ACLY: variants seen among roughly 807,000 people sequenced by gnomAD.
The protein encoded by ACLY is ATP-citrate synthase.
A neutral mutation model predicts 133.0 loss-of-function variants in ACLY; 41 were observed. The observed-to-expected ratio is 0.31, with a 90% CI of 0.24 to 0.40. The LOEUF (loss-of-function observed/expected upper bound fraction) is 0.40. ACLY is among the 10% of genes least tolerant of loss of function. The pLI is 1.00. For missense variants in ACLY, 1,046 were observed against 1,453.8 expected, an observed-to-expected ratio of 0.72 and a Z score of 4.56; for synonymous variants, 495 against 549.3, an observed-to-expected ratio of 0.90 and a Z score of 1.38.
intron 14 of ACLY, among the ~76,000 whole-genome samples, chr17:41,896,367 C>A (rs1024782666): frequency 5.9e-5 from 9 of 152,152 alleles, no homozygotes; most frequent in Non-Finnish European, 1.3e-4. Context: ...AAATCTCTAC[C>A]CCTTCCCAAG....
At chr17:41,905,325 G>A (rs1239633476) in intron 9 of ACLY, among the ~76,000 whole-genome samples, 197 bp downstream of exon 9, 4 of 152,184 alleles carry the variant, frequency 2.6e-5, no homozygotes, top group Admixed American at 2.6e-4. Context: ...TGCCCTCTCA[G>A]TCCCCTCCCA....
intron 9 of ACLY, 32 bp from the exon 10 acceptor site, chr17:41,904,822 G>A (rs1489507707): frequency 1.3e-6 from 2 of 1,591,462 alleles, no homozygotes; most frequent in Non-Finnish European, 1.7e-6. Context: ...ATCAAAAACA[G>A]TTACATAGGT....
chr17:41,910,753 G>A (rs1400449539), intron 3 of ACLY, among the ~76,000 whole-genome samples: 4 of 152,296 alleles, frequency 2.6e-5, no homozygotes, highest in Non-Finnish European at 4.4e-5. Context: ...ACTTCTCCAC[G>A]CAGACTCTCC....
chr17:41,868,871 A>G, intron 27 of ACLY, 86 bp from the exon 28 acceptor site: 3 of 1,465,364 alleles, frequency 2.0e-6, no homozygotes, highest in Non-Finnish European at 2.9e-6. Context: ...CCCAAGAATG[A>G]GAAGAAAAGG....
At position 41,901,697 on chromosome 17, in the gene ACLY, G is replaced by A. The variant is rs782107515; in HGVS notation, c.1182C>T (p.Val394=). The A allele has an allele frequency of 5.0e-6, 8 of 1,610,128 alleles. No individual in the cohort carries two copies. Among genetic ancestry groups the A allele is most frequent in the African/African-American group, 4.0e-5 (3 of 74,686 alleles). ...GGAGAGAAAAGGTCCTCATCTTACC[G>A]ACTTCTCCCATCACCCGTAAGCCCT... is the stretch of plus-strand genomic sequence containing the variant. The part of the protein sequence containing the change: ...YQEGLRVMGE[V]GKTTGIPIHV... The change falls in exon 11 of 29, where the codon GTC becomes GTT. Residue 394 remains valine, a splice_region_variant and synonymous_variant. Coordinates refer to ENST00000352035, the MANE Select transcript of ACLY (RefSeq NM_001096.3).
Position 41,880,637 on chromosome 17 carries a change from G to T in ACLY, c.2266-1713C>A, listed in dbSNP as rs183122308. ...CCCAGCACTTTGAGAGGCCGAGATG[G>T]GTGGATCATGAGGTCAGGAGACTGA... On this transcript the variant is annotated intron_variant, in intron 20 of 28. Transcript: ENST00000352035. Among the ~76,000 whole-genome samples the T allele has an allele frequency of 6.0e-4, 92 of 152,222 alleles. 1 individual carries two copies. The Middle Eastern group carries it at 0.014, about 23-fold the overall frequency.
chr17:41,912,977 G>C (rs1453163628), intron 2 of ACLY, among the ~76,000 whole-genome samples: 2 of 152,128 alleles, frequency 1.3e-5, no homozygotes, highest in Non-Finnish European at 2.9e-5. Context: ...CCCTGTGCTT[G>C]AACCCTGTCT....
Position 41,875,350 on chromosome 17 carries a change from CA to C in ACLY, c.2488-1386del, listed in dbSNP as rs35999637. 2.1e-3 allele frequency among the ~76,000 whole-genome samples: 238 copies of C among 111,216 alleles called. 8 individuals carry two copies. Among genetic ancestry groups the C allele is most frequent in the African/African-American group, 6.3e-3 (182 of 28,952 alleles). 73.0% of individuals were successfully genotyped at this position (111,216 alleles called of 152,430 possible). A position where few individuals can be genotyped will look rare whatever the true frequency, so the allele number is the denominator to read the frequency against. ...CAGCAACAAAAGTGAAACTCCGTCT[CA>C]AAAAAAAAAAAAAAGGGGGGACGAG... On this transcript the variant is annotated intron_variant, in intron 22 of 28. Coordinates refer to ENST00000352035, the MANE Select transcript of ACLY (RefSeq NM_001096.3).
At chr17:41,876,130 CCGCCCGGCAGCCGCCCCA>C (rs2048744306) in intron 22 of ACLY, among the ~76,000 whole-genome samples, 12 of 151,796 alleles carry the variant, frequency 7.9e-5, no homozygotes, top group Admixed American at 2.6e-4. Flanking sequence ...AGGAGCCCCT[CCGCCCGGCAGCCGCCCCA>C]TCTGAGAAGT....
At chr17:41,883,306 G>T (rs2048968727) in intron 19 of ACLY, 74 bp from the exon 20 acceptor site, 2 of 1,254,424 alleles carry the variant, frequency 1.6e-6, no homozygotes, top group South Asian at 1.2e-5. Flanking sequence ...GATAGAAAAT[G>T]GAGTGACACG....
intron 10 of ACLY, 131 bp from the exon 11 acceptor site, chr17:41,901,944 G>A (rs1451901780): frequency 8.6e-6 from 6 of 701,610 alleles, no homozygotes; most frequent in Non-Finnish European, 1.2e-5. Context: ...CTACGCATAA[G>A]CAGCCACGGC....
chr17:41,926,516 C>T (rs1446065927), intron 1 of ACLY, among the ~76,000 whole-genome samples: 5 of 152,222 alleles, frequency 3.3e-5, no homozygotes, highest in African/African-American at 9.7e-5. Context: ...GAGATGAAAT[C>T]TCATTCTTGT....
In ACLY at chr17:41,874,574, C is replaced by CTT. The variant is rs1172812451; in HGVS notation, c.2488-611_2488-610dup. 7.1e-4 allele frequency among the ~76,000 whole-genome samples: 93 copies of CTT among 130,364 alleles called. 1 individual carries two copies. The highest frequency in any genetic ancestry group is 2.5e-3 in the African/African-American group (87 of 35,480). 85.5% of individuals were successfully genotyped at this position (130,364 alleles called of 152,430 possible). A position where few individuals can be genotyped will look rare whatever the true frequency, so the allele number is the denominator to read the frequency against. ...AGGCGTGAGACCCAGTCCATTGCTTCTTTTTTTTTTTTTTTTTGAGACGCA... is the reference window on the plus strand; with the variant it reads ...AGGCGTGAGACCCAGTCCATTGCTTCTTTTTTTTTTTTTTTTTTTGAGACGCA... On this transcript the variant is annotated intron_variant, in intron 22 of 28. Transcript: ENST00000352035.
rs182965980 is a variant in ACLY at position 41,912,585 on chromosome 17, A to T, written c.160-43T>A. 1.1e-5 allele frequency: 17 copies of T among 1,612,814 alleles called. No individual in the cohort carries two copies. In the East Asian group the frequency reaches 3.3e-4, roughly 32 times the overall value. The stretch of plus-strand genomic sequence containing the variant: ...TGTATTTAGAGTGAGGAAGAATTAG[A>T]TAAACCGTAGTATTTTGGGGATCCA... On this transcript the variant is annotated intron_variant, in intron 2 of 28. Coordinates refer to ENST00000352035, the MANE Select transcript of ACLY (RefSeq NM_001096.3).
chr17:41,907,673 C>A lies in ACLY; in HGVS notation c.617-101G>T. 4 of 1,379,790 alleles carry A rather than the reference C, an allele frequency of 2.9e-6. No individual in the cohort carries two copies. In the South Asian group the frequency reaches 5.1e-5, roughly 18 times the overall value. The allele number at this position is 1,379,790 out of a possible 1,614,324, so 85.5% of individuals were successfully genotyped here. A position where few individuals can be genotyped will look rare whatever the true frequency, so the allele number is the denominator to read the frequency against. ...AACACCGATCCCATGGTGGCCCATT[C>A]AGGCCTCAGAACTCTCTAAGCTCAG... On this transcript the variant is annotated intron_variant, in intron 6 of 28. Coordinates refer to ENST00000352035, the MANE Select transcript of ACLY (RefSeq NM_001096.3).
intron 13 of ACLY, 63 bp downstream of exon 13, chr17:41,897,686 G>C (rs1779829338): frequency 1.4e-6 from 2 of 1,468,534 alleles, no homozygotes; most frequent in Non-Finnish European, 9.3e-7. Flanking sequence ...GGAAAGGGGA[G>C]AGAGATACAG....
chr17:41,890,420 C>G (rs2049173893), intron 16 of ACLY, among the ~76,000 whole-genome samples: 1 of 151,254 alleles, frequency 6.6e-6, no homozygotes. Flanking sequence ...CGCGGTGGCT[C>G]ACGCCTGTAA....
At chr17:41,902,250 G>C (rs1249188147) in intron 10 of ACLY, among the ~76,000 whole-genome samples, 1 of 152,232 alleles carries the variant, frequency 6.6e-6, no homozygotes, top group Non-Finnish European at 1.5e-5. Flanking sequence ...TTCTCGCTCT[G>C]TCACCCGGGC....
chr17:41,894,442 G>C (rs1186292672), intron 14 of ACLY, among the ~76,000 whole-genome samples: 1 of 149,756 alleles, frequency 6.7e-6, no homozygotes, highest in Non-Finnish European at 1.5e-5. Flanking sequence ...CAGTTCTCTA[G>C]GTGGGCATAG....
Sources: allele counts gnomAD v4.1 joint callset (sites outside exome capture counted in the v4.1 genomes callset), GRCh38; gene constraint gnomAD v4.1.1; transcripts MANE v1.5; gene names NCBI Gene and HGNC (gene_info 2026-07-23, HGNC 2026-07-21).